The following FHIT variants were observed in gnomAD, a reference collection of about 807,000 sequenced individuals.
The protein encoded by FHIT is bis(5'-adenosyl)-triphosphatase.
In FHIT, 19 loss-of-function variants were observed where a neutral mutation model predicts 17.9. The observed-to-expected ratio is 1.06, with a 90% CI of 0.74 to 1.56. The LOEUF (loss-of-function observed/expected upper bound fraction) is 1.56. Among genes scored for constraint, FHIT ranks in the 40% most tolerant of loss-of-function variants. The pLI, the probability that FHIT is intolerant of heterozygous loss-of-function variation, is 0.00. For missense variants in FHIT, 248 were observed against 189.2 expected, an observed-to-expected ratio of 1.31 and a Z score of -1.82; for synonymous variants, 81 against 69.7, an observed-to-expected ratio of 1.16 and a Z score of -0.81.
intron 7 of FHIT, among the ~76,000 whole-genome samples, chr3:59,946,389 T>G (rs1407957980): frequency 2.6e-5 from 4 of 152,234 alleles, no homozygotes; most frequent in Non-Finnish European, 4.4e-5. Flanking sequence ...GAAACCTTGC[T>G]GAAGTTGTTT....
At chr3:60,839,561 A>C (rs1431389833) in intron 3 of FHIT, among the ~76,000 whole-genome samples, 1 of 152,190 alleles carries the variant, frequency 6.6e-6, no homozygotes, top group African/African-American at 2.4e-5. Context: ...TTATTTACTA[A>C]ATGAAAATTT....
intron 5 of FHIT, among the ~76,000 whole-genome samples, chr3:60,418,118 A>G (rs1294204139): frequency 6.6e-6 from 1 of 151,916 alleles, no homozygotes; most frequent in South Asian, 2.1e-4. Flanking sequence ...TGTGCATTAA[A>G]CTAATTGTTA....
chr3:60,706,652 T>C (rs956335924), intron 4 of FHIT, among the ~76,000 whole-genome samples: 1 of 152,192 alleles, frequency 6.6e-6, no homozygotes, highest in African/African-American at 2.4e-5. Context: ...GAAAGTTTTA[T>C]AATTCTCCTC....
intron 7 of FHIT, among the ~76,000 whole-genome samples, chr3:59,926,547 G>C (rs1030130936): frequency 2.0e-5 from 3 of 152,188 alleles, no homozygotes; most frequent in Non-Finnish European, 4.4e-5. Flanking sequence ...AGTTTGGGAA[G>C]AGAAGCAGGA....
intron 5 of FHIT, among the ~76,000 whole-genome samples, chr3:60,053,830 T>G (rs889606078): frequency 1.3e-5 from 2 of 152,178 alleles, no homozygotes; most frequent in Non-Finnish European, 2.9e-5. Flanking sequence ...TCACATGATG[T>G]TCACAGGATT....
At chr3:60,826,537 G>T (rs1553741080) in intron 3 of FHIT, among the ~76,000 whole-genome samples, 1 of 152,146 alleles carries the variant, frequency 6.6e-6, no homozygotes, top group African/African-American at 2.4e-5. Context: ...TGTTGGTCAG[G>T]CTGGTCGAGG....
At chr3:61,194,466 C>T (rs1170782044) in intron 2 of FHIT, among the ~76,000 whole-genome samples, 1 of 151,816 alleles carries the variant, frequency 6.6e-6, no homozygotes, top group Non-Finnish European at 1.5e-5. Flanking sequence ...GCAAATCCTG[C>T]TACCTTAAAA....
chr3:60,569,755 A>ATATATATATATTTTTTTT, intron 4 of FHIT, among the ~76,000 whole-genome samples: 38 of 77,326 alleles, frequency 4.9e-4, no homozygotes, highest in Non-Finnish European at 6.6e-4. Context: ...ATATATATAT[A>ATATATATATATTTTTTTT]TTTTTTTTTT....
intron 4 of FHIT, among the ~76,000 whole-genome samples, chr3:60,609,837 A>C (rs1374354613): frequency 6.6e-6 from 1 of 152,282 alleles, no homozygotes; most frequent in African/African-American, 2.4e-5. Flanking sequence ...AGTTCCTGCT[A>C]TCTCAACAAT....
At chr3:60,496,103 C>G (rs1274340738) in intron 5 of FHIT, among the ~76,000 whole-genome samples, 1 of 151,976 alleles carries the variant, frequency 6.6e-6, no homozygotes, top group Non-Finnish European at 1.5e-5. Context: ...TCTTAAGGTA[C>G]AGCCAAAATG....
intron 5 of FHIT, among the ~76,000 whole-genome samples, chr3:60,097,466 GAAC>G (rs1180075787): frequency 1.3e-5 from 2 of 152,048 alleles, no homozygotes; most frequent in Non-Finnish European, 2.9e-5. Context: ...GGTCTACCTT[GAAC>G]AACATGAGTT....
intron 4 of FHIT, among the ~76,000 whole-genome samples, chr3:60,734,496 A>G (rs1157753743): frequency 6.6e-6 from 1 of 152,176 alleles, no homozygotes; most frequent in African/African-American, 2.4e-5. Flanking sequence ...TTTGCCACCC[A>G]GGCTCAGAAG....
Position 60,512,031 on chromosome 3 carries a change from G to A in FHIT, c.103+24829C>T, listed in dbSNP as rs117041338. On this transcript the variant is annotated intron_variant, in intron 5 of 9. Transcript: ENST00000492590. ...AGTTCTTCCTTACAGAATAATGTCT[G>A]TAAATATATGTTGAAAGAACGACAA... Among the ~76,000 whole-genome samples the A allele has an allele frequency of 3.1e-3, 470 of 152,160 alleles. 7 individuals are homozygous for A. The East Asian group carries it at 0.036, about 12-fold the overall frequency.
At chr3:60,917,706 T>G (rs35828098) in intron 3 of FHIT, among the ~76,000 whole-genome samples, 89 of 152,368 alleles carry the variant, frequency 5.8e-4, no homozygotes, top group Non-Finnish European at 9.6e-4. Context: ...AAAGGATTAT[T>G]TGACCACCCT....
At chr3:61,128,820 G>A (rs1248745703) in intron 2 of FHIT, among the ~76,000 whole-genome samples, 1 of 151,876 alleles carries the variant, frequency 6.6e-6, no homozygotes, top group Non-Finnish European at 1.5e-5. Flanking sequence ...AAGATTCAAG[G>A]TTATCTACTA....
intron 4 of FHIT, among the ~76,000 whole-genome samples, chr3:60,768,363 A>G (rs1287616966): frequency 2.0e-5 from 3 of 152,206 alleles, no homozygotes; most frequent in Non-Finnish European, 4.4e-5. Flanking sequence ...GTGAATGTAG[A>G]CTAGAAGGTC....
At chr3:59,776,726 G>A (rs1051643880) in intron 8 of FHIT, among the ~76,000 whole-genome samples, 2 of 152,110 alleles carry the variant, frequency 1.3e-5, no homozygotes, top group African/African-American at 2.4e-5. Context: ...GACATTTATT[G>A]AGCACTTACT....
chr3:60,309,689 T>G (rs1708852079), intron 5 of FHIT, among the ~76,000 whole-genome samples: 1 of 152,144 alleles, frequency 6.6e-6, no homozygotes, highest in Non-Finnish European at 1.5e-5. Context: ...GGTCAGATTC[T>G]TCTGCAAACC....
At chr3:60,701,289 A>C (rs1195856990) in intron 4 of FHIT, among the ~76,000 whole-genome samples, 2 of 152,034 alleles carry the variant, frequency 1.3e-5, no homozygotes, top group African/African-American at 2.4e-5. Context: ...GTAATTGCCC[A>C]GTGGGTTCTC....
Sources: gnomAD v4.1 joint callset for allele counts (sites outside exome capture counted in the v4.1 genomes callset) on GRCh38, gnomAD v4.1.1 for gene constraint, MANE v1.5 for transcripts, NCBI Gene and HGNC (gene_info 2026-07-23, HGNC 2026-07-21) for gene names.